The following IMPG1 variants were observed in gnomAD, a reference collection of about 807,000 sequenced individuals.
IMPG1 encodes the protein interphotoreceptor matrix proteoglycan of 150 kDa.
A neutral mutation model predicts 92.0 loss-of-function variants in IMPG1; 85 were observed. The ratio of observed to expected loss-of-function variants is 0.92; its 90% confidence interval spans 0.78 to 1.11. IMPG1 has a LOEUF of 1.11. Ranked by LOEUF, IMPG1 falls within the 50% of genes least tolerant of loss-of-function variation. The probability of loss-of-function intolerance (pLI) is 0.00; values close to 1 mark genes in which losing one functional copy is unlikely to be tolerated. For missense variants in IMPG1, 1,022 were observed against 956.0 expected (o/e 1.07, Z -0.91); for synonymous variants, 367 against 334.1 (o/e 1.10, Z -1.08).
intron 14 of IMPG1, chr6:75,935,113 A>G (rs1180705820): frequency 2.2e-6 from 1 of 450,996 alleles, no homozygotes; most frequent in African/African-American, 2.0e-5. Flanking sequence ...TCAATAGCAA[A>G]AGAAGCAAGA....
intron 12 of IMPG1, among the ~76,000 whole-genome samples, chr6:75,952,527 G>T (rs765364877): frequency 6.6e-6 from 1 of 152,178 alleles, no homozygotes; most frequent in Non-Finnish European, 1.5e-5. Flanking sequence ...GTACCTGCGT[G>T]TGTCTACTCA....
intron 15 of IMPG1, among the ~76,000 whole-genome samples, chr6:75,927,149 C>G (rs1217974218): frequency 6.6e-6 from 1 of 152,170 alleles, no homozygotes; most frequent in African/African-American, 2.4e-5. Context: ...CCTTTGTTGA[C>G]AGAAACAGCT....
chr6:75,950,710 A>C lies in IMPG1; in HGVS notation c.1676T>G (p.Ile559Ser), dbSNP rs1212320566. The C allele has an allele frequency of 3.7e-6, 6 of 1,613,870 alleles. No homozygotes were observed. Among genetic ancestry groups the C allele is most frequent in the Admixed American group, 1.7e-5 (1 of 59,962 alleles). The change falls in exon 13 of 17, where the codon ATC becomes AGC. Residue 559 changes from isoleucine to serine, a missense_variant. Physicochemically the swap from Ile to Ser is moderately radical, Grantham distance 142. This residue lies in a region of IMPG1 where 332 missense variants were observed against 346.2 expected (regional missense o/e 0.96). Coordinates refer to ENST00000369950, the MANE Select transcript of IMPG1 (RefSeq NM_001563.4). The stretch of plus-strand genomic sequence containing the variant: ...GGCAATGGTCATAGAACTAGTGGTG[A>C]TATACTGTAAAGCTGAGACAGGAGT... Reference protein sequence around the residue: ...DTTPVSALQYITTSSMTIAPK... With the variant: ...DTTPVSALQYSTTSSMTIAPK...
intron 7 of IMPG1, among the ~76,000 whole-genome samples, chr6:76,016,814 T>C (rs1231442825): frequency 6.6e-6 from 1 of 152,116 alleles, no homozygotes; most frequent in Non-Finnish European, 1.5e-5. Flanking sequence ...CATCCCAAAC[T>C]CTGTATTAGA....
intron 14 of IMPG1, among the ~76,000 whole-genome samples, chr6:75,932,715 T>C (rs1190845823): frequency 3.9e-5 from 6 of 152,196 alleles, no homozygotes; most frequent in Non-Finnish European, 8.8e-5. Context: ...TCCTTTTTTT[T>C]TTGAGATGGA....
At chr6:75,993,704 C>T (rs1012725248) in intron 12 of IMPG1, among the ~76,000 whole-genome samples, 3 of 152,164 alleles carry the variant, frequency 2.0e-5, no homozygotes, top group Admixed American at 6.5e-5. Context: ...AAAAAACGTT[C>T]TCAATTTTCC....
At chr6:76,032,804 G>A (rs552154784) in intron 4 of IMPG1, among the ~76,000 whole-genome samples, 62 of 152,182 alleles carry the variant, frequency 4.1e-4, no homozygotes, top group Middle Eastern at 6.8e-3. Flanking sequence ...GTCAGAATCC[G>A]AGTGAGTAGG....
chr6:76,007,017 A>G (rs1783109562), intron 9 of IMPG1, among the ~76,000 whole-genome samples: 1 of 152,156 alleles, frequency 6.6e-6, no homozygotes, highest in South Asian at 2.1e-4. Context: ...GATTCTTATT[A>G]CTGAGCTCTC....
At chr6:76,042,552 C>T (rs968530070) in intron 1 of IMPG1, among the ~76,000 whole-genome samples, 3 of 152,086 alleles carry the variant, frequency 2.0e-5, no homozygotes, top group South Asian at 2.1e-4. Context: ...AAAAACCTAG[C>T]GGAACAATGC....
At chr6:75,993,422 T>C (rs1437930268) in intron 12 of IMPG1, among the ~76,000 whole-genome samples, 2 of 151,926 alleles carry the variant, frequency 1.3e-5, no homozygotes, top group African/African-American at 4.8e-5. Context: ...TCTTAGTTTG[T>C]AGGCAGCTGT....
intron 15 of IMPG1, among the ~76,000 whole-genome samples, chr6:75,924,486 A>ATTATAATATAATT (rs1781489070): frequency 4.3e-5 from 4 of 92,496 alleles, no homozygotes; most frequent in African/African-American, 1.7e-4. Flanking sequence ...TATATATTAT[A>ATTATAATATAATT]ATATAATATA....
intron 12 of IMPG1, among the ~76,000 whole-genome samples, chr6:75,971,398 G>A (rs1014903316): frequency 2.0e-5 from 3 of 151,854 alleles, no homozygotes; most frequent in African/African-American, 7.3e-5. Flanking sequence ...CAGCGCACCA[G>A]CATGGCACAT....
chr6:76,069,667 T>C (rs1361112232), intron 1 of IMPG1, among the ~76,000 whole-genome samples: 1 of 151,696 alleles, frequency 6.6e-6, no homozygotes, highest in African/African-American at 2.4e-5. Flanking sequence ...AAAAGACACA[T>C]ACACTTGCAA....
Position 75,921,860 on chromosome 6 carries a change from G to C in IMPG1, c.*229C>G, listed in dbSNP as rs1028240733. 2.9e-6 allele frequency: 1 copy of C among 350,488 alleles called. No individual in the cohort carries two copies. Among genetic ancestry groups the C allele is most frequent in the African/African-American group, 2.2e-5 (1 of 46,488 alleles). 21.7% of individuals were successfully genotyped at this position (350,488 alleles called of 1,614,324 possible). The stretch of plus-strand genomic sequence containing the variant: ...TCCAAGAATAGTAAAAATATGTTTC[G>C]CTGATTGCATTTGGGGTTTTAATAA... On this transcript the variant is annotated 3_prime_UTR_variant, in exon 17 of 17. Coordinates refer to ENST00000369950, the MANE Select transcript of IMPG1 (RefSeq NM_001563.4).
chr6:76,034,269 T>G (rs1228512691), intron 4 of IMPG1, 46 bp downstream of exon 4: 4 of 1,585,426 alleles, frequency 2.5e-6, no homozygotes, highest in Non-Finnish European at 3.5e-6. Flanking sequence ...TATGATCTTT[T>G]TAAATTCAAA....
intron 14 of IMPG1, among the ~76,000 whole-genome samples, chr6:75,941,688 G>A (rs534510155): frequency 9.2e-5 from 14 of 152,278 alleles, no homozygotes; most frequent in South Asian, 2.1e-4. Context: ...TTAGTGTAGA[G>A]AAAATTGATG....
chr6:75,943,713 G>A (rs190816728), intron 14 of IMPG1, among the ~76,000 whole-genome samples: 161 of 152,298 alleles, frequency 1.1e-3, no homozygotes, highest in African/African-American at 3.7e-3. Context: ...CCGGCCAAAG[G>A]CTGTCTCATT....
intron 6 of IMPG1, 46 bp from the exon 7 acceptor site, chr6:76,018,904 A>C (rs888583631): frequency 6.6e-7 from 1 of 1,506,352 alleles, no homozygotes; most frequent in African/African-American, 1.4e-5. Context: ...CCTAAACCAC[A>C]AATAAATGGT....
intron 4 of IMPG1, among the ~76,000 whole-genome samples, chr6:76,033,426 G>C (rs1050765985): frequency 1.5e-4 from 23 of 152,174 alleles, no homozygotes; most frequent in African/African-American, 5.1e-4. Flanking sequence ...GAAGATGTAG[G>C]AATCTTTTGA....
Sources: allele counts gnomAD v4.1 joint callset (sites outside exome capture counted in the v4.1 genomes callset), GRCh38; gene constraint gnomAD v4.1.1; regional missense constraint gnomAD v4.1.1; transcripts MANE v1.5; gene names NCBI Gene and HGNC (gene_info 2026-07-23, HGNC 2026-07-21).